RPA1: variants seen among roughly 807,000 people sequenced by gnomAD.
RPA1 encodes replication protein A1, also known as replication protein A 70 kDa DNA-binding subunit.
Under a neutral mutation model 83.0 loss-of-function variants are expected in RPA1, and 49 were observed. The ratio of observed to expected loss-of-function variants is 0.59; its 90% CI spans 0.47 to 0.75. RPA1 has a LOEUF of 0.75. Ranked by LOEUF, RPA1 falls within the 30% of genes least tolerant of loss-of-function variation. The probability of loss-of-function intolerance (pLI) is 0.00; values close to 1 mark genes in which losing one functional copy is unlikely to be tolerated. For missense variants in RPA1, 693 were observed against 776.1 expected (o/e 0.89, Z 1.27); for synonymous variants, 279 against 281.8 (o/e 0.99, Z 0.10).
chr17:1,832,931 T>C (rs1911677380), intron 1 of RPA1, among the ~76,000 whole-genome samples: 1 of 152,098 alleles, frequency 6.6e-6, no homozygotes. Flanking sequence ...TGTGTTTGTT[T>C]GTTTGTTTGT....
intron 12 of RPA1, among the ~76,000 whole-genome samples, chr17:1,883,320 C>T (rs569930946): frequency 2.2e-4 from 33 of 152,176 alleles, no homozygotes; most frequent in African/African-American, 6.5e-4. Context: ...CCCACCACCA[C>T]GCCCGGCTAA....
intron 5 of RPA1, among the ~76,000 whole-genome samples, chr17:1,854,804 T>A (rs934652315): frequency 6.6e-6 from 1 of 152,230 alleles, no homozygotes; most frequent in Admixed American, 6.5e-5. Flanking sequence ...TGAATTTTTT[T>A]ACATATTAAG....
chr17:1,893,303 G>A (rs937321285), intron 15 of RPA1, among the ~76,000 whole-genome samples: 3 of 152,198 alleles, frequency 2.0e-5, no homozygotes, highest in Admixed American at 6.5e-5. Context: ...CGGTGAATGA[G>A]GACATATAGA....
intron 13 of RPA1, among the ~76,000 whole-genome samples, chr17:1,888,286 A>T (rs1914068617): frequency 6.6e-6 from 1 of 152,220 alleles, no homozygotes; most frequent in Admixed American, 6.5e-5. Context: ...TGTGGTCCGC[A>T]TTCTGTATTT....
At chr17:1,849,110 A>C (rs1361352626) in intron 4 of RPA1, among the ~76,000 whole-genome samples, 1 of 152,142 alleles carries the variant, frequency 6.6e-6, no homozygotes, top group East Asian at 1.9e-4. Context: ...TATTGTTCAA[A>C]GTGTGTACAC....
At chr17:1,871,155 A>G (rs1254203054) in intron 5 of RPA1, among the ~76,000 whole-genome samples, 1 of 152,194 alleles carries the variant, frequency 6.6e-6, no homozygotes, top group Non-Finnish European at 1.5e-5. Flanking sequence ...GATAATGGAA[A>G]AGCCAAAATG....
chr17:1,881,078 C>T (rs753711095), intron 12 of RPA1, among the ~76,000 whole-genome samples: 7 of 152,110 alleles, frequency 4.6e-5, no homozygotes, highest in Non-Finnish European at 1.0e-4. Flanking sequence ...TCTTTGGTGC[C>T]GATCACATCT....
At chr17:1,856,228 G>A (rs896828272) in intron 5 of RPA1, among the ~76,000 whole-genome samples, 1 of 151,868 alleles carries the variant, frequency 6.6e-6, no homozygotes, top group Non-Finnish European at 1.5e-5. Context: ...ACCTGAGCCC[G>A]GGAGGTGGAG....
rs138950425 is a variant in RPA1 at position 1,894,431 on chromosome 17, C to T, written c.1660-578C>T. On this transcript the variant is annotated intron_variant, in intron 15 of 16. Transcript: ENST00000254719. ...ATCCACCCGCTTCCGCTTCCCAAAG[C>T]GCTGGGATGACAGGTATGAGCCACC... is the stretch of plus-strand genomic sequence containing the variant. Among the ~76,000 whole-genome samples the T allele has an allele frequency of 4.2e-3, 644 of 152,230 alleles. 6 individuals carry two copies. The highest frequency in any genetic ancestry group is 0.015 in the African/African-American group (606 of 41,530).
At chr17:1,833,788 AGGTTCCG>A (rs201019486) in intron 1 of RPA1, among the ~76,000 whole-genome samples, 2,403 of 152,286 alleles carry the variant, frequency 0.016, 57 homozygotes, top group African/African-American at 0.05. Flanking sequence ...CGGGAGATAG[AGGTTCCG>A]GTAAGCCAAG....
At position 1,846,831 on chromosome 17, in the gene RPA1, G is replaced by A. The variant is rs766896835; in HGVS notation, c.272+2145G>A. Among the ~76,000 whole-genome samples the A allele has an allele frequency of 2.6e-4, 39 of 151,992 alleles. 1 individual carries two copies. The highest frequency in any genetic ancestry group is 5.1e-4 in the Non-Finnish European group (35 of 67,994). On this transcript the variant is annotated intron_variant, in intron 4 of 16. Coordinates refer to ENST00000254719, the MANE Select transcript of RPA1 (RefSeq NM_002945.5). ...TCTGATGGATGCATTGGCTTGCTTC[G>A]AGGTTTTCCAACGTAATAGTACAGT...
At chr17:1,854,702 T>C (rs1016612788) in intron 5 of RPA1, among the ~76,000 whole-genome samples, 2 of 152,202 alleles carry the variant, frequency 1.3e-5, no homozygotes, top group African/African-American at 4.8e-5. Context: ...GTGTCCGCTA[T>C]TCCCCACTGC....
At chr17:1,859,439 C>T (rs1006444789) in intron 5 of RPA1, among the ~76,000 whole-genome samples, 4 of 152,180 alleles carry the variant, frequency 2.6e-5, no homozygotes, top group African/African-American at 9.7e-5. Flanking sequence ...CTCTGTCTCT[C>T]TGCAGTTCTA....
At chr17:1,879,869 C>T (rs1913716902) in intron 11 of RPA1, among the ~76,000 whole-genome samples, 170 bp downstream of exon 11, 1 of 148,264 alleles carries the variant, frequency 6.7e-6, no homozygotes, top group African/African-American at 2.5e-5. Flanking sequence ...GGAGGAGCTC[C>T]AGGAGTTGGC....
intron 4 of RPA1, among the ~76,000 whole-genome samples, chr17:1,852,854 G>A (rs16951698): frequency 3.0e-4 from 46 of 152,054 alleles, no homozygotes; most frequent in Admixed American, 1.8e-3. Flanking sequence ...TTACCATGTC[G>A]GTTGGCTCCT....
At chr17:1,856,469 C>G (rs780091363) in intron 5 of RPA1, among the ~76,000 whole-genome samples, 1 of 151,826 alleles carries the variant, frequency 6.6e-6, no homozygotes, top group Non-Finnish European at 1.5e-5. Flanking sequence ...CGTGGTGGCA[C>G]GCACCTGTAG....
In RPA1 at chr17:1,879,611, G is replaced by T. The variant is rs1281554835; in HGVS notation, c.1004G>T (p.Arg335Met). Reference sequence around the variant, plus strand: ...GAAGACGCCACTAAAATCACAGTGAGGTCTAACAACAGAGAAGTTGCCAAG... The same window carrying T: ...GAAGACGCCACTAAAATCACAGTGATGTCTAACAACAGAGAAGTTGCCAAG... ...SYEDATKITV[R>M]SNNREVAKRN... Residue 335 changes from arginine to methionine, a missense_variant, in exon 11 of 17, where the codon AGG becomes ATG. Physicochemically the swap from Arg to Met is moderately conservative, Grantham distance 91. Coordinates refer to ENST00000254719, the MANE Select transcript of RPA1 (RefSeq NM_002945.5). The T allele has an allele frequency of 6.2e-7, 1 of 1,614,100 alleles. No homozygotes were observed. The highest frequency in any genetic ancestry group is 8.5e-7 in the Non-Finnish European group (1 of 1,180,050).
chr17:1,875,872 C>T (rs1200944008), intron 7 of RPA1, 79 bp downstream of exon 7: 21 of 1,376,850 alleles, frequency 1.5e-5, no homozygotes, highest in South Asian at 1.1e-4. Context: ...GTTATTTATG[C>T]GTGAACTTCA....
chr17:1,884,919 T>C lies in RPA1; in HGVS notation c.1374+975T>C, dbSNP rs1034206083. On this transcript the variant is annotated intron_variant, in intron 13 of 16. Coordinates refer to ENST00000254719, the MANE Select transcript of RPA1 (RefSeq NM_002945.5). This position sits in a 1 kb window ranked among gnomAD's most constrained non-coding sequence, Gnocchi z 4.1. ...TTGCTGGTGGGGGTTTGTTTCAGGG[T>C]TGATGGCTGAGCAGTCACGGCGATG... Among the ~76,000 whole-genome samples, 1 of 152,198 alleles carries C rather than the reference T, an allele frequency of 6.6e-6. No individual in the cohort carries two copies. Among genetic ancestry groups the C allele is most frequent in the Non-Finnish European group, 1.5e-5 (1 of 68,030 alleles).
Sources: allele counts gnomAD v4.1 joint callset (sites outside exome capture counted in the v4.1 genomes callset), GRCh38; gene constraint gnomAD v4.1.1; non-coding constraint Gnocchi (gnomAD v3.1); transcripts MANE v1.5; gene names NCBI Gene and HGNC (gene_info 2026-07-23, HGNC 2026-07-21).